DDX10: variants seen among roughly 807,000 people sequenced by gnomAD.
DDX10 encodes the protein probable ATP-dependent RNA helicase DDX10.
In DDX10, 74 loss-of-function variants were observed where a neutral mutation model predicts 104.3. The observed-to-expected ratio is 0.71, with a 90% CI of 0.59 to 0.86. The LOEUF is 0.86. Ranked by LOEUF, DDX10 falls within the 40% of genes least tolerant of loss-of-function variation. The pLI, the probability that DDX10 is intolerant of heterozygous loss-of-function variation, is 0.00. For synonymous variants in DDX10, 351 were observed against 353.4 expected (o/e 0.99, Z 0.08); for missense variants, 952 against 1,040.0 (o/e 0.92, Z 1.16).
rs990322096 is a variant in DDX10, at chr11:108,940,458, G to A, written c.*35G>A. The A allele has an allele frequency of 6.2e-7, 1 of 1,602,834 alleles. No homozygotes were observed. Among genetic ancestry groups the A allele is most frequent in the African/African-American group, 1.3e-5 (1 of 74,436 alleles). On this transcript the variant is annotated 3_prime_UTR_variant, in exon 18 of 18. Coordinates refer to ENST00000322536, the MANE Select transcript of DDX10 (RefSeq NM_004398.4). ...GCGCCTGCCTTCTCCTTGAAACCTT[G>A]GTTATGACTGCGTAGGCAAGAAGTT...
At chr11:108,683,230 T>A (rs915594862) in intron 6 of DDX10, among the ~76,000 whole-genome samples, 3 of 152,236 alleles carry the variant, frequency 2.0e-5, no homozygotes, top group Admixed American at 2.0e-4. Context: ...GTTCTGTAGC[T>A]TCCCAGTTGG....
intron 16 of DDX10, among the ~76,000 whole-genome samples, chr11:108,872,681 T>C (rs1863097939): frequency 3.3e-5 from 5 of 152,248 alleles, no homozygotes; most frequent in Admixed American, 3.3e-4. Flanking sequence ...TAGAAGAGTT[T>C]GTAAGTGAAT....
intron 9 of DDX10, among the ~76,000 whole-genome samples, chr11:108,705,951 C>T (rs772746836): frequency 1.3e-5 from 2 of 152,048 alleles, no homozygotes; most frequent in East Asian, 3.9e-4. Flanking sequence ...TGGAGGCAAG[C>T]ATTTTACTTG....
chr11:108,814,210 G>A (rs1005157528), intron 13 of DDX10, among the ~76,000 whole-genome samples: 3 of 152,132 alleles, frequency 2.0e-5, no homozygotes, highest in Non-Finnish European at 4.4e-5. Context: ...CTAAGAGATG[G>A]TAGGTCTTTG....
chr11:108,720,544 A>G (rs148403708), intron 12 of DDX10, among the ~76,000 whole-genome samples: 117 of 152,228 alleles, frequency 7.7e-4, no homozygotes, highest in African/African-American at 2.7e-3. Context: ...TGAGGTTACT[A>G]TTGTATGAAA....
At chr11:108,874,411 A>T (rs1863123263) in intron 16 of DDX10, among the ~76,000 whole-genome samples, 1 of 152,348 alleles carries the variant, frequency 6.6e-6, no homozygotes, top group Non-Finnish European at 1.5e-5. Context: ...GCCTTTCAAG[A>T]CACTCAGAAG....
At chr11:108,751,900 C>G (rs986984201) in intron 13 of DDX10, among the ~76,000 whole-genome samples, 1 of 151,740 alleles carries the variant, frequency 6.6e-6, no homozygotes, top group Non-Finnish European at 1.5e-5. Context: ...CACTGGAAGG[C>G]TTTAAAGAGG....
intron 13 of DDX10, among the ~76,000 whole-genome samples, chr11:108,759,633 T>A (rs913678066): frequency 6.6e-5 from 10 of 152,042 alleles, no homozygotes; most frequent in Admixed American, 6.6e-4. Context: ...TGACACTACA[T>A]CTGTTCTAGG....
At chr11:108,740,390 A>G (rs929773823) in intron 13 of DDX10, among the ~76,000 whole-genome samples, 4 of 152,130 alleles carry the variant, frequency 2.6e-5, no homozygotes, top group African/African-American at 9.7e-5. Context: ...TCTGCCATTG[A>G]TGAGCATTTA....
intron 12 of DDX10, among the ~76,000 whole-genome samples, chr11:108,722,040 A>G (rs542973780): frequency 2.0e-4 from 30 of 152,286 alleles, no homozygotes; most frequent in African/African-American, 7.0e-4. Context: ...TCTTACAACA[A>G]CCCTGTGAGG....
At position 108,736,501 on chromosome 11, in the gene DDX10, G is replaced by A. The variant is rs937684220; in HGVS notation, c.1965+13039G>A. On this transcript the variant is annotated intron_variant, in intron 13 of 17. Coordinates refer to ENST00000322536, the MANE Select transcript of DDX10 (RefSeq NM_004398.4). ...GTTCCTTGATTCTTTTTGGTATTGG[G>A]CTCTGTTATGGTTTGAATGCATCTC... 4.6e-5 allele frequency among the ~76,000 whole-genome samples: 7 copies of A among 152,194 alleles called. No individual in the cohort carries two copies. The Middle Eastern group carries it at 0.014, about 296-fold the overall frequency.
intron 10 of DDX10, among the ~76,000 whole-genome samples, chr11:108,711,571 G>T (rs1386913922): frequency 6.6e-6 from 1 of 152,112 alleles, no homozygotes; most frequent in African/African-American, 2.4e-5. Context: ...GACCCCAGGT[G>T]ATCTGCCCTC....
intron 6 of DDX10, among the ~76,000 whole-genome samples, chr11:108,682,742 C>T (rs1472941857): frequency 1.3e-5 from 2 of 152,172 alleles, no homozygotes; most frequent in African/African-American, 2.4e-5. Context: ...CTTGTATTGT[C>T]ACCCTTCCAC....
At chr11:108,882,197 C>T (rs1281371518) in intron 16 of DDX10, among the ~76,000 whole-genome samples, 1 of 152,132 alleles carries the variant, frequency 6.6e-6, no homozygotes, top group African/African-American at 2.4e-5. Flanking sequence ...TAAGAGTTCT[C>T]TGAAGTCATT....
At chr11:108,696,380 T>A (rs1023112076) in intron 9 of DDX10, among the ~76,000 whole-genome samples, 5 of 152,200 alleles carry the variant, frequency 3.3e-5, no homozygotes, top group Non-Finnish European at 5.9e-5. Flanking sequence ...TTTCACCATG[T>A]TGGCCAGGTT....
At chr11:108,669,119 A>C (rs1434733544) in intron 1 of DDX10, among the ~76,000 whole-genome samples, 5 of 147,460 alleles carry the variant, frequency 3.4e-5, no homozygotes, top group Non-Finnish European at 7.4e-5. Flanking sequence ...TTTAAGATGG[A>C]GTCTCACTCT....
chr11:108,685,193 G>A (rs1438438538), intron 6 of DDX10, among the ~76,000 whole-genome samples: 1 of 151,828 alleles, frequency 6.6e-6, no homozygotes, highest in Non-Finnish European at 1.5e-5. Context: ...GATTCCGTGG[G>A]CGTAGGACCC....
intron 13 of DDX10, among the ~76,000 whole-genome samples, chr11:108,800,441 T>TGAAAAAAAA (rs1862004246): frequency 1.9e-4 from 1 of 5,176 alleles, no homozygotes; most frequent in African/African-American, 5.0e-4. Flanking sequence ...CGAGACTCTT[T>TGAAAAAAAA]CAAAAAAAAA....
chr11:108,816,676 C>T (rs1862260021), intron 13 of DDX10, among the ~76,000 whole-genome samples: 3 of 151,954 alleles, frequency 2.0e-5, no homozygotes, highest in Admixed American at 2.0e-4. Flanking sequence ...CCTCAGCCTC[C>T]CAAGTAGTGG....
Sources: allele counts gnomAD v4.1 joint callset (sites outside exome capture counted in the v4.1 genomes callset), GRCh38; gene constraint gnomAD v4.1.1; transcripts MANE v1.5; gene names NCBI Gene and HGNC (gene_info 2026-07-23, HGNC 2026-07-21).